Variants in COX10 observed in about 807,000 individuals in gnomAD.
COX10 encodes cytochrome c oxidase assembly factor heme A:farnesyltransferase COX10, also known as protoheme IX farnesyltransferase, mitochondrial.
In COX10, 27 loss-of-function variants were observed where a neutral mutation model predicts 37.3. The observed-to-expected ratio is 0.72, with a 90% confidence interval of 0.53 to 1.00. The LOEUF (loss-of-function observed/expected upper bound fraction) is 1.00, where lower values mean the gene tolerates loss of function less well. COX10 is among the 50% of genes least tolerant of loss of function. The pLI is 0.00. For synonymous variants in COX10, 222 were observed against 229.1 expected, an observed-to-expected ratio of 0.97 and a Z score of 0.28; for missense variants, 475 against 563.2, an observed-to-expected ratio of 0.84 and a Z score of 1.59.
chr17:14,164,620 G>T (rs941323684), intron 5 of COX10, among the ~76,000 whole-genome samples: 1 of 152,096 alleles, frequency 6.6e-6, no homozygotes, highest in Admixed American at 6.6e-5. Context: ...GGATTATGGC[G>T]TTCTGTTGAG....
At position 14,108,013 on chromosome 17, in the gene COX10, C is replaced by A. The variant is rs191485699; in HGVS notation, c.624+5771C>A. Among the ~76,000 whole-genome samples the A allele has an allele frequency of 6.5e-4, 99 of 152,284 alleles. 1 individual carries two copies. In the East Asian group the frequency reaches 0.018, roughly 28 times the overall value. ...ATACTTCCAGTGTATCACTTTCTGA[C>A]TATGGTTAGTAGCCACTTGTAGTAT... On this transcript the variant is annotated intron_variant, in intron 4 of 6. Coordinates refer to ENST00000261643, the MANE Select transcript of COX10 (RefSeq NM_001303.4).
intron 1 of COX10, among the ~76,000 whole-genome samples, chr17:14,071,683 A>G (rs550733354): frequency 2.7e-4 from 41 of 150,678 alleles, no homozygotes; most frequent in Non-Finnish European, 3.7e-4. Context: ...CAGGAGTTCA[A>G]CACCAGCCTG....
chr17:14,195,552 C>G (rs561126060), intron 6 of COX10, among the ~76,000 whole-genome samples: 1 of 152,168 alleles, frequency 6.6e-6, no homozygotes, highest in Non-Finnish European at 1.5e-5. Context: ...TCACTTAGAC[C>G]GTACTGCCTG....
intron 4 of COX10, among the ~76,000 whole-genome samples, chr17:14,109,171 A>G (rs1915961318): frequency 6.6e-6 from 1 of 152,208 alleles, no homozygotes; most frequent in Admixed American, 6.5e-5. Context: ...GCACTAGATC[A>G]GGTTTGCCTA....
At chr17:14,114,974 C>T (rs557575526) in intron 4 of COX10, among the ~76,000 whole-genome samples, 72 of 152,182 alleles carry the variant, frequency 4.7e-4, no homozygotes, top group African/African-American at 1.6e-3. Flanking sequence ...TATTAAATTG[C>T]ACTTCAGTAT....
chr17:14,122,429 C>T (rs940131443), intron 4 of COX10, among the ~76,000 whole-genome samples: 1 of 152,148 alleles, frequency 6.6e-6, no homozygotes, highest in Admixed American at 6.5e-5. Flanking sequence ...CCTTGCTTAT[C>T]CACTTACAGT....
chr17:14,115,473 T>G lies in COX10; in HGVS notation c.624+13231T>G, dbSNP rs1026574183. Among the ~76,000 whole-genome samples, 4 of 152,048 alleles carry G rather than the reference T, an allele frequency of 2.6e-5. No homozygotes were observed. The South Asian group carries it at 8.3e-4, about 32-fold the overall frequency. The stretch of plus-strand genomic sequence containing the variant: ...ATCTTTGTGGAAAATAATATGGAGA[T>G]CTCTCAAAGAACTAAAAATAGAAAA... On this transcript the variant is annotated intron_variant, in intron 4 of 6. Coordinates refer to ENST00000261643, the MANE Select transcript of COX10 (RefSeq NM_001303.4).
At chr17:14,186,481 A>G (rs1327219552) in intron 5 of COX10, among the ~76,000 whole-genome samples, 2 of 151,328 alleles carry the variant, frequency 1.3e-5, no homozygotes, top group African/African-American at 4.9e-5. Flanking sequence ...TCCTAGAAAC[A>G]CCCCCTGTCC....
At chr17:14,113,018 C>T (rs55674952) in intron 4 of COX10, among the ~76,000 whole-genome samples, 23,015 of 152,068 alleles carry the variant, frequency 0.15, 2,241 homozygotes, top group East Asian at 0.39. Context: ...TAATCTTAGG[C>T]TAGAGAAGGA....
intron 3 of COX10, among the ~76,000 whole-genome samples, chr17:14,087,318 C>T (rs578050181): frequency 1.7e-4 from 26 of 151,954 alleles, no homozygotes; most frequent in Non-Finnish European, 3.5e-4. Flanking sequence ...TTTAATGAGT[C>T]GCATATTGAT....
intron 4 of COX10, among the ~76,000 whole-genome samples, chr17:14,110,917 A>G (rs1172958937): frequency 6.6e-6 from 1 of 152,116 alleles, no homozygotes; most frequent in Non-Finnish European, 1.5e-5. Context: ...TTTTTGCTTT[A>G]AAATTGGTAT....
At chr17:14,125,621 A>G (rs1916326767) in intron 4 of COX10, among the ~76,000 whole-genome samples, 1 of 152,164 alleles carries the variant, frequency 6.6e-6, no homozygotes, top group African/African-American at 2.4e-5. Flanking sequence ...TAGTTGAGGC[A>G]TGTGTGTATT....
chr17:14,172,902 A>G (rs1217210245), intron 5 of COX10, among the ~76,000 whole-genome samples: 1 of 152,066 alleles, frequency 6.6e-6, no homozygotes, highest in Admixed American at 6.5e-5. Context: ...TATGTTGCCC[A>G]GGCTGGTCTC....
chr17:14,113,103 C>T (rs1916040867), intron 4 of COX10, among the ~76,000 whole-genome samples: 1 of 152,102 alleles, frequency 6.6e-6, no homozygotes, highest in African/African-American at 2.4e-5. Flanking sequence ...TGTCCACGTC[C>T]GAACTACAGG....
intron 4 of COX10, among the ~76,000 whole-genome samples, chr17:14,116,165 T>A (rs942202385): frequency 1.3e-5 from 2 of 152,156 alleles, no homozygotes; most frequent in Non-Finnish European, 2.9e-5. Context: ...ATTTGAAGGC[T>A]TTTAAAAGTT....
intron 6 of COX10, among the ~76,000 whole-genome samples, chr17:14,205,475 C>T (rs1906669030): frequency 6.6e-6 from 1 of 152,200 alleles, no homozygotes; most frequent in African/African-American, 2.4e-5. Context: ...TGTCTACCTC[C>T]TTGACTGAAG....
intron 5 of COX10, among the ~76,000 whole-genome samples, chr17:14,184,370 A>T (rs2856161): frequency 6.6e-6 from 1 of 152,226 alleles, no homozygotes; most frequent in Non-Finnish European, 1.5e-5. Context: ...TAGTTATGCT[A>T]CCATGAGGAA....
At chr17:14,129,045 C>T (rs1316364290) in intron 4 of COX10, among the ~76,000 whole-genome samples, 1 of 151,896 alleles carries the variant, frequency 6.6e-6, no homozygotes, top group Non-Finnish European at 1.5e-5. Context: ...AGGGTTTCAC[C>T]ATATTGGCCA....
chr17:14,132,295 T>C (rs1273499280), intron 4 of COX10, among the ~76,000 whole-genome samples: 4 of 151,900 alleles, frequency 2.6e-5, no homozygotes, highest in African/African-American at 4.8e-5. Flanking sequence ...TGATACCAGG[T>C]TCTGTAATTT....
Sources: gnomAD v4.1 joint callset for allele counts (sites outside exome capture counted in the v4.1 genomes callset) on GRCh38, gnomAD v4.1.1 for gene constraint, MANE v1.5 for transcripts, NCBI Gene and HGNC (gene_info 2026-07-23, HGNC 2026-07-21) for gene names.